SETX: variants seen among roughly 807,000 people sequenced by gnomAD.
SETX encodes the protein helicase senataxin.
In SETX, 90 loss-of-function variants were observed where a neutral mutation model predicts 227.2. The ratio of observed to expected loss-of-function variants is 0.40; its 90% CI spans 0.33 to 0.47. The LOEUF (loss-of-function observed/expected upper bound fraction) is 0.47. Ranked by LOEUF, SETX falls within the 20% of genes least tolerant of loss-of-function variation. The probability of loss-of-function intolerance (pLI) is 0.91; values close to 1 mark genes in which losing one functional copy is unlikely to be tolerated. For synonymous variants in SETX, 1,210 were observed against 1,113.2 expected (o/e 1.09, Z -1.73); for missense variants, 3,052 against 3,181.5 (o/e 0.96, Z 0.98).
intron 24 of SETX, among the ~76,000 whole-genome samples, chr9:132,270,353 A>G (rs1405817347): frequency 1.3e-5 from 2 of 151,672 alleles, no homozygotes; most frequent in Non-Finnish European, 1.5e-5. Flanking sequence ...CTCTAGACTC[A>G]GCATGCCCAT....
intron 15 of SETX, among the ~76,000 whole-genome samples, chr9:132,290,246 A>AT (rs71913934): frequency 0.15 from 22,406 of 150,804 alleles, 2,396 homozygotes; most frequent in East Asian, 0.43. Flanking sequence ...ATTCGTCTTT[A>AT]TTTTTTTTCC....
At chr9:132,301,171 C>T (rs1291536439) in intron 11 of SETX, among the ~76,000 whole-genome samples, 2 of 148,716 alleles carry the variant, frequency 1.3e-5, no homozygotes, top group Non-Finnish European at 3.0e-5. Flanking sequence ...CGGGTCACTG[C>T]AAGCTCAGCC....
rs904104394 is a variant in SETX, at chr9:132,328,005, A to T, written c.3593T>A (p.Phe1198Tyr). Residue 1198 changes from phenylalanine (F) to tyrosine (Y), a missense_variant, in exon 10 of 26, where the codon TTT becomes TAT. Phe to Tyr is a conservative substitution (Grantham distance 22, BLOSUM62 3). Coordinates refer to ENST00000224140, the MANE Select transcript of SETX (RefSeq NM_015046.7). ...TNKRDLVGND[F>Y]KSIDRRTSTP... is the part of the protein sequence containing the mutation. ...TGAAGTCCTTCTATCAATACTTTTAAAATCATTTCCCACAAGATCTCTCTT... is the reference window on the plus strand; with the variant it reads ...TGAAGTCCTTCTATCAATACTTTTATAATCATTTCCCACAAGATCTCTCTT... 1 of 1,613,724 alleles carries T rather than the reference A, an allele frequency of 6.2e-7. No homozygotes were observed. The highest frequency in any genetic ancestry group is 8.5e-7 in the Non-Finnish European group (1 of 1,179,954).
Position 132,275,251 on chromosome 9 carries a change from C to G in SETX, c.7100+5G>C. ...AAATTGGAAATATTTATAAAAATGC[C>G]TCACCCTTTTCTATCGAACTCTTTG... On this transcript the variant is annotated splice_donor_5th_base_variant and intron_variant, in intron 23 of 25. Coordinates refer to ENST00000224140, the MANE Select transcript of SETX (RefSeq NM_015046.7). 1 of 1,613,662 alleles carries G rather than the reference C, an allele frequency of 6.2e-7. No homozygotes were observed. The highest frequency in any genetic ancestry group is 8.5e-7 in the Non-Finnish European group (1 of 1,179,692).
At chr9:132,288,078 A>T (rs1589650193) in intron 17 of SETX, among the ~76,000 whole-genome samples, 158 bp downstream of exon 17, 1 of 152,210 alleles carries the variant, frequency 6.6e-6, no homozygotes, top group Non-Finnish European at 1.5e-5. Flanking sequence ...CGGGAGGCTG[A>T]GGCAGGAGGA....
intron 14 of SETX, among the ~76,000 whole-genome samples, chr9:132,296,337 G>A (rs1012983627): frequency 2.0e-5 from 3 of 152,168 alleles, no homozygotes; most frequent in African/African-American, 7.2e-5. Context: ...CGGATCACTT[G>A]AGGTCAGGAG....
intron 11 of SETX, among the ~76,000 whole-genome samples, chr9:132,302,597 T>C (rs1214191039): frequency 2.0e-5 from 3 of 146,734 alleles, no homozygotes; most frequent in Non-Finnish European, 3.0e-5. Context: ...GAGGTGGAGA[T>C]TGCTGTGAGC....
At chr9:132,299,880 C>T (rs559766881) in intron 12 of SETX, among the ~76,000 whole-genome samples, 107 of 151,504 alleles carry the variant, frequency 7.1e-4, no homozygotes, top group African/African-American at 2.4e-3. Context: ...CGGTGGCTCA[C>T]GCCTGTAATC....
chr9:132,268,586 T>G (rs1842756252), intron 25 of SETX, among the ~76,000 whole-genome samples: 1 of 152,118 alleles, frequency 6.6e-6, no homozygotes, highest in Non-Finnish European at 1.5e-5. Context: ...ATTACCCCAG[T>G]GAATCTTAGC....
rs573499594 is a variant in SETX, at chr9:132,328,852, G to A, written c.2746C>T (p.Leu916Phe). ...TCTCTTGATTCAGGTACAGTCATAA[G>A]ATCTTTAAAGGGAGATGATTTCTTC... is the stretch of plus-strand genomic sequence containing the variant. ...SEKKSSPFKD[L>F]MTVPESRDEE... Residue 916 changes from leucine (L) to phenylalanine (F), a missense_variant, in exon 10 of 26, where the codon CTT becomes TTT. By Grantham distance (22) the Leu-to-Phe change is conservative. Coordinates refer to ENST00000224140, the MANE Select transcript of SETX (RefSeq NM_015046.7). 1.2e-5 allele frequency: 19 copies of A among 1,613,928 alleles called. No homozygotes were observed. The African/African-American group carries it at 2.5e-4, about 22-fold the overall frequency.
intron 2 of SETX, 112 bp from the exon 3 acceptor site, chr9:132,349,547 T>A: frequency 9.4e-7 from 1 of 1,066,088 alleles, no homozygotes; most frequent in Non-Finnish European, 1.4e-6. Flanking sequence ...AATGTGTCAC[T>A]AAAACCCAAA....
intron 15 of SETX, among the ~76,000 whole-genome samples, chr9:132,290,109 T>C (rs1844201251): frequency 6.6e-6 from 1 of 152,064 alleles, no homozygotes; most frequent in African/African-American, 2.4e-5. Context: ...CTCAGGAGGC[T>C]GAGGCTGGAA....
At position 132,277,067 on chromosome 9, in the gene SETX, C is replaced by T; in HGVS notation, c.6928G>A (p.Asp2310Asn). The change falls in exon 22 of 26, where the codon GAT (aspartate) becomes AAT (asparagine). Residue 2310 changes from aspartate to asparagine, a missense_variant. Physicochemically the swap from Asp to Asn is conservative, Grantham distance 23. Coordinates refer to ENST00000224140, the MANE Select transcript of SETX (RefSeq NM_015046.7). ...GGCAAGAGGAAAACATACTCATTAT[C>T]CCGTCTTTCTGAACCATCTCCAACA... Reference protein sequence around the residue: ...FDVGDGSERRDNDSYINVQEI... With the variant: ...FDVGDGSERRNNDSYINVQEI... 2 of 1,613,564 alleles carry T rather than the reference C, an allele frequency of 1.2e-6. No individual in the cohort carries two copies. Among genetic ancestry groups the T allele is most frequent in the Non-Finnish European group, 1.7e-6 (2 of 1,179,634 alleles).
In SETX at chr9:132,300,715, C is replaced by T. The variant is rs1210472252; in HGVS notation, c.5463G>A (p.Glu1821=). The change falls in exon 12 of 26, where the codon GAG becomes GAA. Residue 1821 remains glutamate (E), a synonymous_variant. Coordinates refer to ENST00000224140, the MANE Select transcript of SETX (RefSeq NM_015046.7). ...TGTCATTTCTCTCTGTATCTTTCTT[C>T]TCTTCATTTATTCTCTCAGGAGCTA... ...VFLAPERINE[E]KKDTERNDIQ... 1.2e-6 allele frequency: 2 copies of T among 1,613,560 alleles called. No individual in the cohort carries two copies. The highest frequency in any genetic ancestry group is 2.2e-5 in the South Asian group (2 of 91,078).
upstream of SETX, among the ~76,000 whole-genome samples, chr9:132,355,989 G>GAAAAAAA: frequency 1.2e-5 from 1 of 85,166 alleles, no homozygotes; most frequent in African/African-American, 4.7e-5. Context: ...TCTCTCTCCG[G>GAAAAAAA]AAAAAAAAAA....
chr9:132,280,284 A>ATT (rs10592325), intron 20 of SETX, among the ~76,000 whole-genome samples: 2 of 151,354 alleles, frequency 1.3e-5, no homozygotes, highest in African/African-American at 4.8e-5. Flanking sequence ...GCACAAATGG[A>ATT]TTTTTTTTTT....
At chr9:132,291,702 G>A (rs771800636) in intron 15 of SETX, among the ~76,000 whole-genome samples, 1 of 152,150 alleles carries the variant, frequency 6.6e-6, no homozygotes, top group Non-Finnish European at 1.5e-5. Flanking sequence ...GAGCAAGGCT[G>A]GGCAGTGTCT....
At chr9:132,282,504 G>T (rs905866696) in intron 19 of SETX, among the ~76,000 whole-genome samples, 2 of 151,836 alleles carry the variant, frequency 1.3e-5, no homozygotes, top group Non-Finnish European at 2.9e-5. Context: ...TGCCCAGGTT[G>T]GTCTCAAACT....
Position 132,296,927 on chromosome 9 carries a change from G to T in SETX, c.5909C>A (p.Ser1970Ter). The T allele has an allele frequency of 6.2e-7, 1 of 1,614,076 alleles. No individual in the cohort carries two copies. The highest frequency in any genetic ancestry group is 8.5e-7 in the Non-Finnish European group (1 of 1,180,008). Residue 1970 changes from serine (S) to a stop codon, truncating the protein, a stop_gained, in exon 14 of 26, where the codon TCA becomes TAA. Transcript: ENST00000224140. LOFTEE classifies it high-confidence loss of function. Reference protein sequence around the residue: ...LIHGPPGTGKSKTIVGLLYRL... With the variant: ...LIHGPPGTGK Reference sequence around the variant, plus strand: ...ATAGAGGAGGCCAACAATAGTTTTTGATTTTCCTGTTCCAGGTGGTCCATG... The same window carrying T: ...ATAGAGGAGGCCAACAATAGTTTTTTATTTTCCTGTTCCAGGTGGTCCATG...
Sources: allele counts gnomAD v4.1 joint callset (sites outside exome capture counted in the v4.1 genomes callset), GRCh38; gene constraint gnomAD v4.1.1; transcripts MANE v1.5; gene names NCBI Gene and HGNC (gene_info 2026-07-23, HGNC 2026-07-21).